The following ACOXL variants were observed in gnomAD, a reference collection of about 807,000 sequenced individuals.
ACOXL encodes the protein acyl-CoA oxidase like.
Under a neutral mutation model 71.9 loss-of-function variants are expected in ACOXL, and 70 were observed. The ratio of observed to expected loss-of-function variants is 0.97; its 90% CI spans 0.80 to 1.19. The LOEUF is 1.19. ACOXL is among the 50% of genes most tolerant of loss of function. The pLI, the probability that ACOXL is intolerant of heterozygous loss-of-function variation, is 0.00. For synonymous variants in ACOXL, 253 were observed against 281.6 expected (o/e 0.90, Z 1.02); for missense variants, 703 against 736.3 (o/e 0.95, Z 0.52).
intron 1 of ACOXL, among the ~76,000 whole-genome samples, chr2:110,749,934 G>A (rs1182699455): frequency 6.6e-6 from 1 of 152,144 alleles, no homozygotes; most frequent in African/African-American, 2.4e-5. Flanking sequence ...GTACTGGTCA[G>A]GTGTTTGTCA....
rs1242147846 is a variant in ACOXL, at chr2:111,028,652, AT to A, written c.1282-2968del. ...TTTTGTAGATCCTCTGCAGGAAAGT[AT>A]TTTTTTAATTGGCTGTATGGCTGCC... On this transcript the variant is annotated intron_variant, in intron 14 of 17. Transcript: ENST00000439055. Among the ~76,000 whole-genome samples, 3 of 152,204 alleles carry A rather than the reference AT, an allele frequency of 2.0e-5. No homozygotes were observed. The East Asian group carries it at 5.8e-4, about 29-fold the overall frequency.
intron 12 of ACOXL, among the ~76,000 whole-genome samples, chr2:110,972,712 G>T (rs563475849): frequency 1.3e-5 from 2 of 151,890 alleles, no homozygotes; most frequent in Non-Finnish European, 2.9e-5. Flanking sequence ...AGACACATGG[G>T]CTGAAGTCCA....
chr2:110,762,364 AC>A (rs1680516831), intron 1 of ACOXL, among the ~76,000 whole-genome samples: 1 of 152,166 alleles, frequency 6.6e-6, no homozygotes, highest in Non-Finnish European at 1.5e-5. Flanking sequence ...GTCAATGTTT[AC>A]ATCTGCCACT....
At chr2:110,828,136 A>C (rs1689383619) in intron 9 of ACOXL, among the ~76,000 whole-genome samples, 1 of 151,950 alleles carries the variant, frequency 6.6e-6, no homozygotes, top group Non-Finnish European at 1.5e-5. Context: ...GCACCTGGCT[A>C]ATTTTTGTGT....
intron 9 of ACOXL, among the ~76,000 whole-genome samples, chr2:110,826,752 C>CTTTTTTTTTTTTTTTTCTTTTTTTTTT (rs775164507): frequency 8.6e-6 from 1 of 116,532 alleles, no homozygotes; most frequent in Non-Finnish European, 1.8e-5. Context: ...TCTCTCTTTG[C>CTTTTTTTTTTTTTTTTCTTTTTTTTTT]TTTTTTTTTT....
At chr2:110,770,159 A>G (rs1475348368) in intron 2 of ACOXL, among the ~76,000 whole-genome samples, 1 of 152,192 alleles carries the variant, frequency 6.6e-6, no homozygotes, top group Non-Finnish European at 1.5e-5. Flanking sequence ...AGCCGACCCT[A>G]TCCTGCAGCA....
At chr2:110,883,107 GT>G (rs34915436) in intron 10 of ACOXL, among the ~76,000 whole-genome samples, 176 of 109,258 alleles carry the variant, frequency 1.6e-3, no homozygotes, top group Non-Finnish European at 2.2e-3. Context: ...TTTGTCACTG[GT>G]TTTTTTTTTT....
intron 10 of ACOXL, among the ~76,000 whole-genome samples, chr2:110,861,085 G>T (rs950482000): frequency 3.9e-5 from 6 of 152,170 alleles, no homozygotes; most frequent in African/African-American, 1.4e-4. Flanking sequence ...AGTGAGTCGA[G>T]ATCATGCCAC....
At chr2:110,845,112 G>A (rs1198897780) in intron 10 of ACOXL, among the ~76,000 whole-genome samples, 1 of 152,294 alleles carries the variant, frequency 6.6e-6, no homozygotes, top group East Asian at 1.9e-4. Flanking sequence ...ACTTTATAAA[G>A]AACAGAAATT....
At chr2:111,113,479 G>C (rs1299596229) in intron 17 of ACOXL, among the ~76,000 whole-genome samples, 1 of 152,212 alleles carries the variant, frequency 6.6e-6, no homozygotes, top group Non-Finnish European at 1.5e-5. Context: ...GCTGGAGATA[G>C]AGCAGACTAA....
chr2:111,012,048 G>A (rs990934217), intron 14 of ACOXL, among the ~76,000 whole-genome samples: 1 of 152,128 alleles, frequency 6.6e-6, no homozygotes, highest in African/African-American at 2.4e-5. Flanking sequence ...AACCATGGAA[G>A]AAATAGACAA....
chr2:111,101,665 A>G (rs1477843165), intron 17 of ACOXL, among the ~76,000 whole-genome samples: 1 of 151,812 alleles, frequency 6.6e-6, no homozygotes, highest in Non-Finnish European at 1.5e-5. Context: ...GGAAAAAAAA[A>G]AAAAACTGTT....
intron 12 of ACOXL, among the ~76,000 whole-genome samples, chr2:110,983,173 T>C (rs1413369806): frequency 6.6e-6 from 1 of 152,248 alleles, no homozygotes; most frequent in Non-Finnish European, 1.5e-5. Context: ...GTGTTTCTGC[T>C]TTGGCAGCAA....
chr2:110,998,182 A>G lies in ACOXL; in HGVS notation c.1281+2178A>G, dbSNP rs368634328. ...AAGATGAAAGACAAAGTAAAAACAT[A>G]CTGAATTTCTTACATTAATTACAGG... On this transcript the variant is annotated intron_variant, in intron 14 of 17. Coordinates refer to ENST00000439055, the MANE Select transcript of ACOXL (RefSeq NM_001142807.4). Among the ~76,000 whole-genome samples the G allele has an allele frequency of 4.6e-5, 7 of 152,342 alleles. No individual in the cohort carries two copies. The East Asian group carries it at 1.2e-3, about 25-fold the overall frequency.
chr2:110,747,895 C>G (rs2104768866), intron 1 of ACOXL, among the ~76,000 whole-genome samples: 1 of 152,300 alleles, frequency 6.6e-6, no homozygotes, highest in South Asian at 2.1e-4. Context: ...ATTCTCTCCT[C>G]CTGGGGGCCT....
At chr2:110,882,291 C>T (rs1558668145) in intron 10 of ACOXL, among the ~76,000 whole-genome samples, 1 of 152,098 alleles carries the variant, frequency 6.6e-6, no homozygotes, top group Non-Finnish European at 1.5e-5. Flanking sequence ...CTGTTCAAAT[C>T]TTTCACCATT....
chr2:110,787,397 G>A (rs559456189), intron 3 of ACOXL, among the ~76,000 whole-genome samples: 1 of 151,960 alleles, frequency 6.6e-6, no homozygotes, highest in Admixed American at 6.5e-5. Context: ...AGCCGGGCGT[G>A]GTGGCAGACG....
chr2:111,031,761 C>A, intron 15 of ACOXL, 47 bp downstream of exon 15: 1 of 1,570,432 alleles, frequency 6.4e-7, no homozygotes, highest in South Asian at 1.1e-5. Context: ...ACTCAGGGGT[C>A]TACGGGTCCC....
chr2:110,812,256 G>T lies in ACOXL; in HGVS notation c.753+6861G>T, dbSNP rs968025204. Among the ~76,000 whole-genome samples the T allele has an allele frequency of 7.9e-5, 12 of 152,066 alleles. No homozygotes were observed. In the East Asian group the frequency reaches 2.3e-3, roughly 29 times the overall value. ...TAAAATGGTTAAATAATGTTTTTTGGTTTTCTATAGCAGTTGTTTACATAT... is the reference window on the plus strand; with the variant it reads ...TAAAATGGTTAAATAATGTTTTTTGTTTTTCTATAGCAGTTGTTTACATAT... On this transcript the variant is annotated intron_variant, in intron 9 of 17. Transcript: ENST00000439055.
Sources: allele counts gnomAD v4.1 joint callset (sites outside exome capture counted in the v4.1 genomes callset), GRCh38; gene constraint gnomAD v4.1.1; transcripts MANE v1.5; gene names NCBI Gene and HGNC (gene_info 2026-07-23, HGNC 2026-07-21).